The following RBM20 variants were observed in gnomAD, a reference collection of about 807,000 sequenced individuals.
RBM20 encodes the protein RNA binding motif protein 20, also known as RNA-binding protein 20.
RBM20 carries 51 observed loss-of-function variants against 110.1 expected under a neutral mutation model. The ratio of observed to expected loss-of-function variants is 0.46; its 90% CI spans 0.37 to 0.59. The LOEUF (loss-of-function observed/expected upper bound fraction) is 0.59. Ranked by LOEUF, RBM20 falls within the 20% of genes least tolerant of loss-of-function variation. The pLI is 0.00. For missense variants in RBM20, 1,512 were observed against 1,574.9 expected (o/e 0.96, Z 0.68); for synonymous variants, 589 against 618.2 (o/e 0.95, Z 0.70).
At position 110,777,935 on chromosome 10, in the gene RBM20, C is replaced by T. The variant is rs533622322; in HGVS notation, c.192-2866C>T. On this transcript the variant is annotated intron_variant, in intron 1 of 13. Transcript: ENST00000369519. Reference sequence around the variant, plus strand: ...AGGAAGAGTTGGCCCTGTGTGGCCACGGTTTTGAGTTAAGCTTAATTGCTT... The same window carrying T: ...AGGAAGAGTTGGCCCTGTGTGGCCATGGTTTTGAGTTAAGCTTAATTGCTT... Among the ~76,000 whole-genome samples, 6 of 152,370 alleles carry T rather than the reference C, an allele frequency of 3.9e-5. No individual in the cohort carries two copies. In the South Asian group the frequency reaches 6.2e-4, roughly 16 times the overall value.
At chr10:110,785,871 A>T (rs1195186089) in intron 5 of RBM20, among the ~76,000 whole-genome samples, 1 of 152,140 alleles carries the variant, frequency 6.6e-6, no homozygotes, top group African/African-American at 2.4e-5. Flanking sequence ...GAAGTAGATT[A>T]TTTCCTATGA....
intron 1 of RBM20, among the ~76,000 whole-genome samples, chr10:110,654,426 C>T (rs1445748596): frequency 6.6e-6 from 1 of 152,162 alleles, no homozygotes; most frequent in Non-Finnish European, 1.5e-5. Context: ...TTTTAATGTC[C>T]ATTTTAATGC....
chr10:110,751,454 C>T lies in RBM20; in HGVS notation c.192-29347C>T, dbSNP rs374729069. ...AAGATAAAAAACATGCCCCCCATGTCTTTTGCCTAAGTCACTATATTTCCT... is the reference window on the plus strand; with the variant it reads ...AAGATAAAAAACATGCCCCCCATGTTTTTTGCCTAAGTCACTATATTTCCT... On this transcript the variant is annotated intron_variant, in intron 1 of 13. Transcript: ENST00000369519. Among the ~76,000 whole-genome samples, 155 of 152,326 alleles carry T rather than the reference C, an allele frequency of 1.0e-3. 2 individuals are homozygous for T. Among genetic ancestry groups the T allele is most frequent in the African/African-American group, 3.6e-3 (149 of 41,576 alleles).
At chr10:110,788,588 G>T (rs887794530) in intron 5 of RBM20, among the ~76,000 whole-genome samples, 5 of 152,176 alleles carry the variant, frequency 3.3e-5, no homozygotes, top group African/African-American at 7.2e-5. Context: ...CTGGTCCCCC[G>T]GTTTGCCATT....
chr10:110,704,832 G>C (rs1367483802), intron 1 of RBM20, among the ~76,000 whole-genome samples: 1 of 152,156 alleles, frequency 6.6e-6, no homozygotes, highest in Non-Finnish European at 1.5e-5. Context: ...GAGAAGCCTT[G>C]TCAATGTTGG....
At position 110,746,320 on chromosome 10, in the gene RBM20, G is replaced by A. The variant is rs1457377618; in HGVS notation, c.192-34481G>A. 2.0e-5 allele frequency among the ~76,000 whole-genome samples: 3 copies of A among 152,170 alleles called. No homozygotes were observed. In the East Asian group the frequency reaches 5.8e-4, roughly 29 times the overall value. On this transcript the variant is annotated intron_variant, in intron 1 of 13. Coordinates refer to ENST00000369519, the MANE Select transcript of RBM20 (RefSeq NM_001134363.3). ...AGCCCAGCCCAGATTCAAAGGATAG[G>A]GAAATAGACTCATGTCTTAATGGGA...
intron 8 of RBM20, among the ~76,000 whole-genome samples, 194 bp from the exon 9 acceptor site, chr10:110,812,084 C>A (rs1331982291): frequency 6.6e-6 from 1 of 152,182 alleles, no homozygotes; most frequent in Non-Finnish European, 1.5e-5. Flanking sequence ...TAGGAGAAGT[C>A]CTCTGCACGG....
chr10:110,804,905 C>T (rs144577966), intron 7 of RBM20, among the ~76,000 whole-genome samples: 3 of 152,110 alleles, frequency 2.0e-5, no homozygotes, highest in South Asian at 2.1e-4. Context: ...CAATAGGCTT[C>T]GGGTGGGAAT....
At chr10:110,672,485 C>G (rs893636446) in intron 1 of RBM20, among the ~76,000 whole-genome samples, 1 of 152,252 alleles carries the variant, frequency 6.6e-6, no homozygotes, top group Non-Finnish European at 1.5e-5. Flanking sequence ...GCCGTCCTCC[C>G]TCGCCCGGCG....
At chr10:110,734,375 T>C (rs1021799183) in intron 1 of RBM20, among the ~76,000 whole-genome samples, 49 of 152,198 alleles carry the variant, frequency 3.2e-4, no homozygotes, top group African/African-American at 1.2e-3. Flanking sequence ...CCCCTCAAGA[T>C]TGGCTCTGGG....
chr10:110,687,025 C>T (rs1337489995), intron 1 of RBM20, among the ~76,000 whole-genome samples: 3 of 143,996 alleles, frequency 2.1e-5, no homozygotes, highest in East Asian at 2.0e-4. Context: ...GGTAACAGAG[C>T]GAGACTGTCT....
chr10:110,704,812 T>C (rs1397817899), intron 1 of RBM20, among the ~76,000 whole-genome samples: 1 of 151,906 alleles, frequency 6.6e-6, no homozygotes, highest in African/African-American at 2.4e-5. Flanking sequence ...GAGGACAGAG[T>C]GGAGGTTTGG....
intron 1 of RBM20, among the ~76,000 whole-genome samples, chr10:110,774,943 G>C (rs762753722): frequency 2.6e-5 from 4 of 152,162 alleles, no homozygotes; most frequent in African/African-American, 4.8e-5. Context: ...ATATTAAAAA[G>C]AAATTCCCAC....
chr10:110,734,315 G>T (rs1203698766), intron 1 of RBM20, among the ~76,000 whole-genome samples: 1 of 152,168 alleles, frequency 6.6e-6, no homozygotes, highest in East Asian at 1.9e-4. Context: ...GAAGAGACTA[G>T]AACATGGAAA....
At chr10:110,727,399 C>CAAAAATAAAAAAAA (rs1554893376) in intron 1 of RBM20, among the ~76,000 whole-genome samples, 45 of 83,224 alleles carry the variant, frequency 5.4e-4, no homozygotes, top group African/African-American at 2.0e-3. Flanking sequence ...AAGTCCGTCT[C>CAAAAATAAAAAAAA]AAAAAATAAA....
intron 10 of RBM20, among the ~76,000 whole-genome samples, 190 bp downstream of exon 10, chr10:110,820,366 G>T (rs952172319): frequency 6.6e-6 from 1 of 152,284 alleles, no homozygotes; most frequent in East Asian, 1.9e-4. Flanking sequence ...AGTTTTTATT[G>T]AAGCGATCTT....
intron 1 of RBM20, among the ~76,000 whole-genome samples, chr10:110,751,553 C>G (rs72823876): frequency 0.036 from 5,502 of 152,302 alleles, 147 homozygotes; most frequent in Middle Eastern, 0.054. Context: ...AATTATGCCT[C>G]TATAATCTGT....
intron 7 of RBM20, among the ~76,000 whole-genome samples, chr10:110,805,155 G>A (rs1844678869): frequency 6.6e-6 from 1 of 152,168 alleles, no homozygotes; most frequent in Non-Finnish European, 1.5e-5. Context: ...AATTATTCTT[G>A]TGCAAAATTA....
chr10:110,770,724 C>T (rs1204916349), intron 1 of RBM20, among the ~76,000 whole-genome samples: 1 of 152,168 alleles, frequency 6.6e-6, no homozygotes, highest in Non-Finnish European at 1.5e-5. Context: ...TTATAACTGT[C>T]TTTGTACATT....
Sources: allele counts gnomAD v4.1 joint callset (sites outside exome capture counted in the v4.1 genomes callset), GRCh38; gene constraint gnomAD v4.1.1; transcripts MANE v1.5; gene names NCBI Gene and HGNC (gene_info 2026-07-23, HGNC 2026-07-21).